The following KDM4A variants were observed in gnomAD, a reference collection of about 807,000 sequenced individuals.
The protein encoded by KDM4A is lysine demethylase 4A.
A neutral mutation model predicts 127.1 loss-of-function variants in KDM4A; 23 were observed. The ratio of observed to expected loss-of-function variants is 0.18; its 90% confidence interval spans 0.13 to 0.26. The LOEUF (loss-of-function observed/expected upper bound fraction) is 0.26, where lower values mean the gene tolerates loss of function less well. KDM4A is among the 10% of genes least tolerant of loss of function. KDM4A has a pLI of 1.00. For synonymous variants in KDM4A, 443 were observed against 466.5 expected, an observed-to-expected ratio of 0.95 and a Z score of 0.65; for missense variants, 890 against 1,329.1, an observed-to-expected ratio of 0.67 and a Z score of 5.14.
At chr1:43,698,113 G>C in intron 19 of KDM4A, 100 bp downstream of exon 19, 1 of 1,128,074 alleles carries the variant, frequency 8.9e-7, no homozygotes, top group Non-Finnish European at 1.3e-6. Flanking sequence ...TTCTAGCCAG[G>C]TCCCTGGTCC....
chr1:43,693,702 A>C lies in KDM4A; in HGVS notation c.2376-292A>C, dbSNP rs548630266. Reference sequence around the variant, plus strand: ...ATTCTCACTCCCTGAGACCTGCCACACACCATTAGCCTGCAGCTCTGTTCA... The same window carrying C: ...ATTCTCACTCCCTGAGACCTGCCACCCACCATTAGCCTGCAGCTCTGTTCA... On this transcript the variant is annotated intron_variant, in intron 16 of 21. Transcript: ENST00000372396. This position sits in a 1 kb window ranked among gnomAD's most constrained non-coding sequence, Gnocchi z 4.2. Among the ~76,000 whole-genome samples the C allele has an allele frequency of 3.9e-5, 6 of 152,362 alleles. No individual in the cohort carries two copies. The East Asian group carries it at 1.2e-3, about 29-fold the overall frequency.
chr1:43,692,411 G>T, intron 16 of KDM4A, 100 bp downstream of exon 16: 1 of 1,015,440 alleles, frequency 9.8e-7, no homozygotes, highest in Non-Finnish European at 1.5e-6. Flanking sequence ...GACTGATGAG[G>T]ATTTGGGAAG....
At chr1:43,683,281 G>A (rs1198951426) in intron 11 of KDM4A, among the ~76,000 whole-genome samples, 1 of 152,232 alleles carries the variant, frequency 6.6e-6, no homozygotes, top group African/African-American at 2.4e-5. Flanking sequence ...ATTGTAACAG[G>A]TACTGTTGAC....
chr1:43,705,350 T>A lies in KDM4A; in HGVS notation c.*980T>A, dbSNP rs1459958721. Reference sequence around the variant, plus strand: ...AACAGGTTTTTGCTCCTCAAGAATTTGTTTGCCTGGGCCCAGGATTGGAGG... The same window carrying A: ...AACAGGTTTTTGCTCCTCAAGAATTAGTTTGCCTGGGCCCAGGATTGGAGG... On this transcript the variant is annotated 3_prime_UTR_variant, in exon 22 of 22. Coordinates refer to ENST00000372396, the MANE Select transcript of KDM4A (RefSeq NM_014663.3). The A allele has an allele frequency of 6.6e-6, 1 of 151,920 alleles. No homozygotes were observed. The highest frequency in any genetic ancestry group is 2.4e-5 in the African/African-American group (1 of 41,236). The allele number at this position is 151,920 out of a possible 1,614,324, so 9.4% of individuals were successfully genotyped here.
intron 19 of KDM4A, chr1:43,702,110 G>A (rs1035008939): frequency 2.0e-5 from 3 of 152,100 alleles, no homozygotes; most frequent in Non-Finnish European, 2.9e-5. Context: ...CCTATCCTAG[G>A]TAAATGACAA....
At chr1:43,690,801 T>C (rs754855107) in intron 13 of KDM4A, 44 bp from the exon 14 acceptor site, 25 of 1,564,876 alleles carry the variant, frequency 1.6e-5, no homozygotes, top group Admixed American at 3.3e-5. Flanking sequence ...GCTAAGAGCA[T>C]AGGCACGTGC....
chr1:43,667,374 AT>A (rs538798502), intron 8 of KDM4A, among the ~76,000 whole-genome samples: 13 of 152,154 alleles, frequency 8.5e-5, no homozygotes, highest in Middle Eastern at 3.2e-3. Context: ...CTCTGTTGAA[AT>A]TTTTAGGGGT....
intron 9 of KDM4A, 108 bp downstream of exon 9, chr1:43,668,127 T>C: frequency 7.1e-7 from 1 of 1,405,146 alleles, no homozygotes; most frequent in Admixed American, 2.1e-5. Flanking sequence ...GTTTTGTTTT[T>C]GTTTTTGTTT....
chr1:43,674,065 C>G (rs1660686449), intron 11 of KDM4A, among the ~76,000 whole-genome samples: 1 of 152,218 alleles, frequency 6.6e-6, no homozygotes, highest in African/African-American at 2.4e-5. Flanking sequence ...ACCTCAGCCT[C>G]CCAAGTAGCT....
intron 5 of KDM4A, among the ~76,000 whole-genome samples, chr1:43,664,850 G>A (rs139186412): frequency 9.0e-4 from 137 of 152,266 alleles, no homozygotes; most frequent in African/African-American, 3.2e-3. Flanking sequence ...CCTCTGAAGT[G>A]GGACCTCCAG....
chr1:43,660,072 G>A (rs1231439966), intron 3 of KDM4A, among the ~76,000 whole-genome samples: 1 of 152,160 alleles, frequency 6.6e-6, no homozygotes, highest in Non-Finnish European at 1.5e-5. Context: ...AGGAAGACCG[G>A]TTTACATCTG....
At chr1:43,657,632 C>T (rs1660275248) in intron 3 of KDM4A, among the ~76,000 whole-genome samples, 2 of 152,130 alleles carry the variant, frequency 1.3e-5, no homozygotes, top group Admixed American at 1.3e-4. Flanking sequence ...TCCTTATTGT[C>T]TGATTTTTGC....
At chr1:43,659,177 T>C (rs1660315196) in intron 3 of KDM4A, among the ~76,000 whole-genome samples, 1 of 152,098 alleles carries the variant, frequency 6.6e-6, no homozygotes, top group Non-Finnish European at 1.5e-5. Context: ...CTTGCAGTCC[T>C]GGCTACTCGG....
intron 2 of KDM4A, among the ~76,000 whole-genome samples, chr1:43,655,307 G>C (rs1362706228): frequency 6.6e-6 from 1 of 152,168 alleles, no homozygotes; most frequent in Non-Finnish European, 1.5e-5. Context: ...GAGATTGAGA[G>C]AGAATCAAGT....
Position 43,693,127 on chromosome 1 carries a change from C to T in KDM4A, c.2375+816C>T, listed in dbSNP as rs1335968733. On this transcript the variant is annotated intron_variant, in intron 16 of 21. Transcript: ENST00000372396. This position sits in a 1 kb window ranked among gnomAD's most constrained non-coding sequence, Gnocchi z 4.2. ...CACTTGCTGCCATTATTTGAGGTCA[C>T]TGGGTTCCTCACAGTCACAGGATAG... 1.3e-5 allele frequency among the ~76,000 whole-genome samples: 2 copies of T among 152,238 alleles called. No individual in the cohort carries two copies. The highest frequency in any genetic ancestry group is 2.9e-5 in the Non-Finnish European group (2 of 68,042).
intron 19 of KDM4A, 142 bp from the exon 20 acceptor site, chr1:43,703,475 G>T: frequency 9.8e-7 from 1 of 1,016,078 alleles, no homozygotes; most frequent in Non-Finnish European, 1.4e-6. Flanking sequence ...GTCTTTAACT[G>T]TTAACATTTT....
At position 43,683,762 on chromosome 1, in the gene KDM4A, C is replaced by A. The variant is rs149269662; in HGVS notation, c.1813C>A (p.Arg605Ser). The A allele has an allele frequency of 1.2e-6, 2 of 1,613,998 alleles. No homozygotes were observed. The highest frequency in any genetic ancestry group is 1.7e-6 in the Non-Finnish European group (2 of 1,180,032). Residue 605 changes from arginine to serine, a missense_variant, in exon 12 of 22, where the codon CGC (arginine) becomes AGC (serine). Physicochemically the swap from Arg to Ser is moderately radical, Grantham distance 110 (BLOSUM62 -1). Transcript: ENST00000372396. ...GRRQPLSKLP[R>S]HHPLVLQECV... Reference sequence around the variant, plus strand: ...CCGTCAGCCTTTAAGCAAGCTCCCCCGCCATCACCCACTTGTGCTGCAGGA... The same window carrying A: ...CCGTCAGCCTTTAAGCAAGCTCCCCAGCCATCACCCACTTGTGCTGCAGGA...
At chr1:43,657,466 G>T (rs763746844) in intron 3 of KDM4A, among the ~76,000 whole-genome samples, 1 of 152,110 alleles carries the variant, frequency 6.6e-6, no homozygotes, top group African/African-American at 2.4e-5. Context: ...CTCCCAAAGG[G>T]CTGGGATTAC....
chr1:43,652,931 G>A (rs1008975593), intron 1 of KDM4A, among the ~76,000 whole-genome samples: 7 of 149,456 alleles, frequency 4.7e-5, no homozygotes, highest in African/African-American at 1.2e-4. Context: ...CGATGCACCC[G>A]CTTTGGCCTC....
Sources: gnomAD v4.1 joint callset for allele counts (sites outside exome capture counted in the v4.1 genomes callset) on GRCh38, gnomAD v4.1.1 for gene constraint, Gnocchi (gnomAD v3.1) non-coding constraint, MANE v1.5 for transcripts, NCBI Gene and HGNC (gene_info 2026-07-23, HGNC 2026-07-21) for gene names.